The following ZNF804B variants were observed in gnomAD, a reference collection of about 807,000 sequenced individuals.
ZNF804B encodes the protein zinc finger 804B.
A neutral mutation model predicts 101.4 loss-of-function variants in ZNF804B; 80 were observed. That is an observed-to-expected ratio of 0.79 (90% CI 0.66 to 0.95). The LOEUF (loss-of-function observed/expected upper bound fraction) is 0.95. Among genes scored for constraint, ZNF804B ranks in the 40% least tolerant of loss-of-function variants. ZNF804B has a pLI of 0.00. For missense variants in ZNF804B, 1,673 were observed against 1,561.9 expected, an observed-to-expected ratio of 1.07 and a Z score of -1.20; for synonymous variants, 622 against 558.8, an observed-to-expected ratio of 1.11 and a Z score of -1.59.
intron 1 of ZNF804B, among the ~76,000 whole-genome samples, chr7:88,980,176 A>C (rs1231181157): frequency 6.6e-6 from 1 of 151,834 alleles, no homozygotes; most frequent in Non-Finnish European, 1.5e-5. Context: ...TCTCTTTATT[A>C]CAATTATCTG....
At chr7:89,030,070 G>A (rs1584083698) in intron 1 of ZNF804B, among the ~76,000 whole-genome samples, 1 of 152,116 alleles carries the variant, frequency 6.6e-6, no homozygotes, top group African/African-American at 2.4e-5. Flanking sequence ...TTTGGGTGAA[G>A]GAGGTGCAGA....
At chr7:89,033,579 C>G (rs1332475221) in intron 1 of ZNF804B, among the ~76,000 whole-genome samples, 1 of 152,052 alleles carries the variant, frequency 6.6e-6, no homozygotes. Context: ...TTCCCGCCAA[C>G]AGTGTACAAG....
chr7:88,794,186 A>C, intron 1 of ZNF804B: 1 of 1,602,666 alleles, frequency 6.2e-7, no homozygotes, highest in Non-Finnish European at 8.5e-7. Context: ...CAATCCTAGA[A>C]ACGTGAAGGA....
At chr7:89,132,141 A>C (rs1790557560) in intron 1 of ZNF804B, among the ~76,000 whole-genome samples, 1 of 147,514 alleles carries the variant, frequency 6.8e-6, no homozygotes, top group South Asian at 2.1e-4. Context: ...GGAAAAGAAA[A>C]TAACAGGAAT....
chr7:88,880,306 A>T (rs534497878), intron 1 of ZNF804B, among the ~76,000 whole-genome samples: 1 of 152,356 alleles, frequency 6.6e-6, no homozygotes, highest in Admixed American at 6.5e-5. Flanking sequence ...GAAGAATGCC[A>T]TAAAAATATT....
chr7:89,261,921 C>A (rs1170720475), intron 2 of ZNF804B, among the ~76,000 whole-genome samples: 2 of 152,124 alleles, frequency 1.3e-5, no homozygotes, highest in Non-Finnish European at 2.9e-5. Context: ...TCATTTGAAT[C>A]CGCTTTTCAT....
chr7:89,099,086 TCA>T (rs35368350), intron 1 of ZNF804B, among the ~76,000 whole-genome samples: 3,380 of 146,842 alleles, frequency 0.023, 153 homozygotes, highest in African/African-American at 0.079. Flanking sequence ...TAACATATAT[TCA>T]CACACACACA....
chr7:89,106,162 T>C (rs1352333781), intron 1 of ZNF804B, among the ~76,000 whole-genome samples: 1 of 152,186 alleles, frequency 6.6e-6, no homozygotes, highest in Non-Finnish European at 1.5e-5. Context: ...GTGTGTGGCA[T>C]GGAGCCCAGC....
intron 1 of ZNF804B, among the ~76,000 whole-genome samples, chr7:89,014,581 G>A (rs1035639689): frequency 6.6e-6 from 1 of 152,194 alleles, no homozygotes; most frequent in South Asian, 2.1e-4. Flanking sequence ...CTCCCAAAGT[G>A]CTGGGATTAC....
In ZNF804B at chr7:88,855,632, G is replaced by T. The variant is rs1019134644; in HGVS notation, c.108+95548G>T. Reference sequence around the variant, plus strand: ...AATTAGATCGCATTTGTCAATTTTGGCTTTTGTTGCCATTGCTTTTGGTGT... The same window carrying T: ...AATTAGATCGCATTTGTCAATTTTGTCTTTTGTTGCCATTGCTTTTGGTGT... On this transcript the variant is annotated intron_variant, in intron 1 of 3. Coordinates refer to ENST00000333190, the MANE Select transcript of ZNF804B (RefSeq NM_181646.5). 3.9e-5 allele frequency among the ~76,000 whole-genome samples: 6 copies of T among 152,070 alleles called. No homozygotes were observed. In the East Asian group the frequency reaches 7.7e-4, roughly 20 times the overall value.
At chr7:89,094,883 G>A (rs1375196039) in intron 1 of ZNF804B, among the ~76,000 whole-genome samples, 1 of 152,112 alleles carries the variant, frequency 6.6e-6, no homozygotes, top group Non-Finnish European at 1.5e-5. Context: ...GGGAACAGCA[G>A]AAAATCATAT....
At chr7:89,305,883 G>T (rs1790554874) in intron 2 of ZNF804B, among the ~76,000 whole-genome samples, 1 of 151,754 alleles carries the variant, frequency 6.6e-6, no homozygotes, top group Admixed American at 6.6e-5. Context: ...TTTTATGGTA[G>T]CCATTTTTAT....
At chr7:89,168,912 A>T (rs1486327919) in intron 1 of ZNF804B, among the ~76,000 whole-genome samples, 1 of 152,020 alleles carries the variant, frequency 6.6e-6, no homozygotes, top group Admixed American at 6.6e-5. Flanking sequence ...AGATGGCAGG[A>T]AGCCTTTTGT....
chr7:89,288,486 C>T (rs141226843), intron 2 of ZNF804B, among the ~76,000 whole-genome samples: 364 of 152,056 alleles, frequency 2.4e-3, no homozygotes, highest in Non-Finnish European at 4.3e-3. Flanking sequence ...ACAAGATCTA[C>T]GAAAAAGAGA....
chr7:89,143,085 T>C (rs1412051684), intron 1 of ZNF804B, among the ~76,000 whole-genome samples: 4 of 151,904 alleles, frequency 2.6e-5, no homozygotes, highest in Admixed American at 2.0e-4. Context: ...GATGAAGTCA[T>C]TTGATTGGCA....
intron 1 of ZNF804B, among the ~76,000 whole-genome samples, chr7:89,119,536 T>C (rs1179324257): frequency 6.6e-6 from 1 of 152,204 alleles, no homozygotes; most frequent in East Asian, 1.9e-4. Context: ...TCAAAATAAA[T>C]CAATAATTAT....
At chr7:89,276,822 A>G (rs954586679) in intron 2 of ZNF804B, among the ~76,000 whole-genome samples, 11 of 151,808 alleles carry the variant, frequency 7.2e-5, no homozygotes, top group African/African-American at 2.7e-4. Flanking sequence ...ACTTAGTATG[A>G]CTCTAGAGGT....
intron 2 of ZNF804B, among the ~76,000 whole-genome samples, chr7:89,292,608 ACCTTCACT>A (rs1471844078): frequency 1.1e-4 from 16 of 152,164 alleles, no homozygotes. Flanking sequence ...AGAAAAAATC[ACCTTCACT>A]GAAAATAGAC....
intron 1 of ZNF804B, among the ~76,000 whole-genome samples, chr7:88,882,461 TG>T (rs1792057849): frequency 6.6e-6 from 1 of 152,174 alleles, no homozygotes; most frequent in Admixed American, 6.6e-5. Flanking sequence ...GAAAGCAGTT[TG>T]GAGATTTCTC....
Sources: gnomAD v4.1 joint callset for allele counts (sites outside exome capture counted in the v4.1 genomes callset) on GRCh38, gnomAD v4.1.1 for gene constraint, MANE v1.5 for transcripts, NCBI Gene and HGNC (gene_info 2026-07-23, HGNC 2026-07-21) for gene names.